PTPRD: variants seen among roughly 807,000 people sequenced by gnomAD.
The protein encoded by PTPRD is protein tyrosine phosphatase receptor type D.
PTPRD carries 34 observed loss-of-function variants against 214.5 expected under a neutral mutation model. The observed-to-expected ratio is 0.16, with a 90% confidence interval of 0.12 to 0.21. The LOEUF is 0.21. Among genes scored for constraint, PTPRD ranks in the 10% least tolerant of loss-of-function variants. The probability of loss-of-function intolerance (pLI) is 1.00; values close to 1 mark genes in which losing one functional copy is unlikely to be tolerated. For missense variants in PTPRD, 2,545 were observed against 2,398.7 expected (o/e 1.06, Z -1.27); for synonymous variants, 1,128 against 845.7 (o/e 1.33, Z -5.79).
intron 11 of PTPRD, among the ~76,000 whole-genome samples, chr9:8,796,628 T>A (rs1032919014): frequency 4.6e-5 from 7 of 152,188 alleles, no homozygotes; most frequent in African/African-American, 1.7e-4. Flanking sequence ...CCATAACTTA[T>A]CACATCAAAT....
At chr9:9,783,820 T>A (rs1483793297) in intron 5 of PTPRD, among the ~76,000 whole-genome samples, 1 of 8,936 alleles carries the variant, frequency 1.1e-4, no homozygotes, top group Non-Finnish European at 6.4e-4. Flanking sequence ...TCCTGCTTCG[T>A]TTTTTTTTTT....
At chr9:9,731,977 A>C (rs2098202975) in intron 7 of PTPRD, among the ~76,000 whole-genome samples, 1 of 152,146 alleles carries the variant, frequency 6.6e-6, no homozygotes, top group African/African-American at 2.4e-5. Flanking sequence ...AACATATGAC[A>C]GTGTAAGGTA....
At chr9:8,645,946 T>A in intron 12 of PTPRD, among the ~76,000 whole-genome samples, 1 of 151,994 alleles carries the variant, frequency 6.6e-6, no homozygotes, top group East Asian at 1.9e-4. Context: ...CAATACCAAT[T>A]ATTAAGTTCT....
In PTPRD at chr9:8,341,978, A is replaced by G. The variant is rs1218454446; in HGVS notation, c.4662T>C (p.Ser1554=). The G allele has an allele frequency of 1.9e-6, 3 of 1,598,452 alleles. No individual in the cohort carries two copies. Among genetic ancestry groups the G allele is most frequent in the Non-Finnish European group, 2.6e-6 (3 of 1,173,748 alleles). ...AGCAACCAGTCCGGCCAACTCCCGC[A>G]CTATGAGGAAAATAGAGAAGAAAAG... ...PDAGPMVVHC[S]AGVGRTGCFI... Residue 1554 remains serine, a splice_region_variant and synonymous_variant, in exon 40 of 46, where the codon AGT becomes AGC. Coordinates refer to ENST00000381196, the MANE Select transcript of PTPRD (RefSeq NM_002839.4).
At position 8,545,724 on chromosome 9, in the gene PTPRD, G is replaced by A. The variant is rs72696620; in HGVS notation, c.353-16945C>T. ...TTATTTCTACTGATTGATCACCATTGAAAGTTCAAATGGTGTTTAAAAGGG... is the reference window on the plus strand; with the variant it reads ...TTATTTCTACTGATTGATCACCATTAAAAGTTCAAATGGTGTTTAAAAGGG... On this transcript the variant is annotated intron_variant, in intron 14 of 45. Coordinates refer to ENST00000381196, the MANE Select transcript of PTPRD (RefSeq NM_002839.4). 3.3e-3 allele frequency among the ~76,000 whole-genome samples: 495 copies of A among 152,268 alleles called. 1 individual carries two copies. The highest frequency in any genetic ancestry group is 4.0e-3 in the Non-Finnish European group (272 of 68,010).
chr9:8,853,062 C>G (rs563072718), intron 11 of PTPRD, among the ~76,000 whole-genome samples: 1 of 152,208 alleles, frequency 6.6e-6, no homozygotes, highest in East Asian at 1.9e-4. Flanking sequence ...GAAAAAAATG[C>G]AAACTGTTGA....
chr9:8,992,041 G>A (rs1030322642), intron 11 of PTPRD, among the ~76,000 whole-genome samples: 7 of 152,056 alleles, frequency 4.6e-5, no homozygotes, highest in African/African-American at 7.2e-5. Flanking sequence ...TGAATTTATA[G>A]CCCAAATTAT....
intron 12 of PTPRD, among the ~76,000 whole-genome samples, chr9:8,732,100 T>C (rs1016847477): frequency 2.0e-5 from 3 of 152,192 alleles, no homozygotes; most frequent in Non-Finnish European, 2.9e-5. Context: ...GAGAGGAAGA[T>C]GGAGGAGAAA....
intron 3 of PTPRD, among the ~76,000 whole-genome samples, chr9:10,197,588 A>G (rs1270778032): frequency 6.6e-6 from 1 of 152,180 alleles, no homozygotes; most frequent in Non-Finnish European, 1.5e-5. Flanking sequence ...TACATTGAAC[A>G]AATCAGCCCT....
At chr9:8,507,273 C>T (rs2097562243) in intron 22 of PTPRD, 28 bp downstream of exon 22, 1 of 1,602,256 alleles carries the variant, frequency 6.2e-7, no homozygotes. Flanking sequence ...ATGAATAATT[C>T]CCAAGGTGAG....
intron 26 of PTPRD, among the ~76,000 whole-genome samples, chr9:8,495,952 C>T (rs1245490634): frequency 6.6e-6 from 1 of 151,958 alleles, no homozygotes; most frequent in African/African-American, 2.4e-5. Context: ...AAAGACTGAC[C>T]GGCCAGCTTT....
intron 3 of PTPRD, among the ~76,000 whole-genome samples, chr9:10,097,834 C>T (rs1359773051): frequency 6.6e-6 from 1 of 151,834 alleles, no homozygotes; most frequent in East Asian, 2.0e-4. Flanking sequence ...AAAGGGAATG[C>T]TTCCAGCTTT....
At chr9:8,569,176 G>A (rs1339837006) in intron 14 of PTPRD, among the ~76,000 whole-genome samples, 1 of 151,930 alleles carries the variant, frequency 6.6e-6, no homozygotes, top group Non-Finnish European at 1.5e-5. Context: ...CTCTAACAAG[G>A]AGGGTACAAC....
chr9:10,025,508 G>C (rs2096907003), intron 4 of PTPRD, among the ~76,000 whole-genome samples: 1 of 152,004 alleles, frequency 6.6e-6, no homozygotes, highest in Non-Finnish European at 1.5e-5. Context: ...ATTTAAGCTG[G>C]TTTTACCAGA....
intron 11 of PTPRD, among the ~76,000 whole-genome samples, chr9:8,885,385 G>T (rs1271023237): frequency 6.6e-6 from 1 of 151,336 alleles, no homozygotes; most frequent in Admixed American, 6.6e-5. Flanking sequence ...TACCATAGAA[G>T]AAATTAAGGC....
At chr9:8,833,226 C>T (rs58848642) in intron 11 of PTPRD, among the ~76,000 whole-genome samples, 16,955 of 151,980 alleles carry the variant, frequency 0.11, 2,740 homozygotes, top group African/African-American at 0.36. Flanking sequence ...ATGAAATAAC[C>T]ATATTGGACA....
intron 14 of PTPRD, among the ~76,000 whole-genome samples, chr9:8,566,100 A>ATGTGTGTGTG (rs139478736): frequency 0.13 from 18,381 of 137,620 alleles, 1,352 homozygotes; most frequent in Admixed American, 0.16. Flanking sequence ...AATGCAAAAT[A>ATGTGTGTGTG]TGTGTGTGTG....
At chr9:9,734,746 A>C (rs1324157877) in intron 6 of PTPRD, among the ~76,000 whole-genome samples, 175 bp from the exon 7 acceptor site, 3 of 152,112 alleles carry the variant, frequency 2.0e-5, no homozygotes, top group African/African-American at 7.2e-5. Flanking sequence ...CTTAAACTGA[A>C]GTGTTTAACT....
chr9:9,391,534 T>A (rs530323003), intron 9 of PTPRD, among the ~76,000 whole-genome samples: 21 of 152,310 alleles, frequency 1.4e-4, no homozygotes, highest in African/African-American at 5.0e-4. Context: ...ATGATTTTAA[T>A]CAAGGCACTT....
Sources: gnomAD v4.1 joint callset for allele counts (sites outside exome capture counted in the v4.1 genomes callset) on GRCh38, gnomAD v4.1.1 for gene constraint, MANE v1.5 for transcripts, NCBI Gene and HGNC (gene_info 2026-07-23, HGNC 2026-07-21) for gene names.